The following AGBL4 variants were observed in gnomAD, a reference collection of about 807,000 sequenced individuals.
AGBL4 encodes AGBL carboxypeptidase 4, also known as cytosolic carboxypeptidase 6.
In AGBL4, 58 loss-of-function variants were observed where a neutral mutation model predicts 66.4. That is an observed-to-expected ratio of 0.87 (90% CI 0.71 to 1.09). The LOEUF is 1.09. Among genes scored for constraint, AGBL4 ranks in the 50% least tolerant of loss-of-function variants. AGBL4 has a pLI of 0.00. For synonymous variants in AGBL4, 234 were observed against 222.9 expected, an observed-to-expected ratio of 1.05 and a Z score of -0.44; for missense variants, 579 against 631.0, an observed-to-expected ratio of 0.92 and a Z score of 0.88.
chr1:49,805,027 A>T (rs1281794489), intron 2 of AGBL4, among the ~76,000 whole-genome samples: 1 of 152,222 alleles, frequency 6.6e-6, no homozygotes, highest in African/African-American at 2.4e-5. Flanking sequence ...TAGATGAGAT[A>T]ACCAAAGGGA....
At chr1:49,564,286 C>T (rs749204196) in intron 3 of AGBL4, among the ~76,000 whole-genome samples, 8 of 151,878 alleles carry the variant, frequency 5.3e-5, no homozygotes, top group Non-Finnish European at 1.2e-4. Context: ...TTTTGAAGGG[C>T]TTTTTGTGTC....
At chr1:49,288,438 A>T (rs1644467598) in intron 3 of AGBL4, among the ~76,000 whole-genome samples, 1 of 152,166 alleles carries the variant, frequency 6.6e-6, no homozygotes, top group South Asian at 2.1e-4. Flanking sequence ...CATTTGCTGA[A>T]TCTGGTGAAT....
intron 3 of AGBL4, among the ~76,000 whole-genome samples, chr1:49,523,100 T>C (rs959239874): frequency 2.6e-5 from 4 of 152,184 alleles, no homozygotes; most frequent in African/African-American, 9.6e-5. Flanking sequence ...TCTTGGGCTG[T>C]TTTCTCATCA....
chr1:49,501,076 G>C (rs566287684), intron 3 of AGBL4, among the ~76,000 whole-genome samples: 6 of 152,132 alleles, frequency 3.9e-5, no homozygotes, highest in Admixed American at 2.0e-4. Context: ...TCCTTGTAGA[G>C]ATCTTTCACC....
intron 1 of AGBL4, among the ~76,000 whole-genome samples, chr1:49,952,667 G>T (rs893944650): frequency 1.3e-5 from 2 of 151,886 alleles, no homozygotes; most frequent in Non-Finnish European, 2.9e-5. Context: ...AAACAGGATA[G>T]GCAAAACCCA....
At position 49,735,296 on chromosome 1, in the gene AGBL4, G is replaced by GGTGTGT. The variant is rs34172664; in HGVS notation, c.158-37865_158-37860dup. The stretch of plus-strand genomic sequence containing the variant: ...TAAAACAAAGAGGTAGAGGTGTGTG[G>GGTGTGT]GTGTGTGTGTGTGTGTGTGTGTGTG... On this transcript the variant is annotated intron_variant, in intron 2 of 13. Transcript: ENST00000371839. Among the ~76,000 whole-genome samples the GGTGTGT allele has an allele frequency of 6.1e-3, 778 of 127,378 alleles. 6 individuals carry two copies. Among genetic ancestry groups the GGTGTGT allele is most frequent in the African/African-American group, 0.017 (514 of 30,838 alleles). 83.6% of individuals were successfully genotyped at this position (127,378 alleles called of 152,430 possible).
At chr1:49,718,114 T>C (rs569243355) in intron 2 of AGBL4, among the ~76,000 whole-genome samples, 4 of 152,178 alleles carry the variant, frequency 2.6e-5, no homozygotes, top group Non-Finnish European at 5.9e-5. Context: ...AAATCTCATG[T>C]TGAAATGTGA....
intron 4 of AGBL4, among the ~76,000 whole-genome samples, chr1:49,055,421 G>C (rs1644291464): frequency 1.3e-5 from 2 of 151,980 alleles, no homozygotes; most frequent in Non-Finnish European, 2.9e-5. Flanking sequence ...TGTGCTCTAA[G>C]TTTATCAGGC....
chr1:49,171,282 T>C (rs1316971038), intron 4 of AGBL4, among the ~76,000 whole-genome samples: 1 of 152,212 alleles, frequency 6.6e-6, no homozygotes, highest in East Asian at 1.9e-4. Flanking sequence ...TTCAAAATCA[T>C]TATTCTGCTG....
intron 1 of AGBL4, among the ~76,000 whole-genome samples, chr1:49,985,483 A>G (rs1237583394): frequency 6.6e-6 from 1 of 152,168 alleles, no homozygotes; most frequent in Non-Finnish European, 1.5e-5. Flanking sequence ...GAGAAAAAAA[A>G]TCACAAGTAT....
At chr1:48,685,904 C>T (rs561153888) in intron 6 of AGBL4, among the ~76,000 whole-genome samples, 1 of 152,320 alleles carries the variant, frequency 6.6e-6, no homozygotes, top group South Asian at 2.1e-4. Flanking sequence ...TGTGGAGCAG[C>T]ATCTTAGAAT....
At chr1:49,483,487 T>C (rs775174626) in intron 3 of AGBL4, among the ~76,000 whole-genome samples, 1 of 151,774 alleles carries the variant, frequency 6.6e-6, no homozygotes, top group Non-Finnish European at 1.5e-5. Context: ...CCTAAATTCA[T>C]ATAGAATGAT....
At chr1:49,700,514 A>G (rs1250992843) in intron 2 of AGBL4, among the ~76,000 whole-genome samples, 2 of 152,096 alleles carry the variant, frequency 1.3e-5, no homozygotes, top group African/African-American at 2.4e-5. Flanking sequence ...AAAAATACCT[A>G]GTTTTAATTA....
At chr1:49,728,437 C>A (rs1399424002) in intron 2 of AGBL4, among the ~76,000 whole-genome samples, 1 of 152,216 alleles carries the variant, frequency 6.6e-6, no homozygotes, top group East Asian at 1.9e-4. Flanking sequence ...GCACCTCTGT[C>A]TTCAGAACAA....
chr1:49,336,913 G>A (rs1645449225), intron 3 of AGBL4, among the ~76,000 whole-genome samples: 1 of 152,102 alleles, frequency 6.6e-6, no homozygotes, highest in Non-Finnish European at 1.5e-5. Flanking sequence ...CTCATAAGAT[G>A]GTTTAGAGAT....
chr1:49,133,108 A>T (rs898938298), intron 4 of AGBL4, among the ~76,000 whole-genome samples: 3 of 152,226 alleles, frequency 2.0e-5, no homozygotes, highest in African/African-American at 7.2e-5. Flanking sequence ...TGAAGCTAGA[A>T]ACCATCATTC....
intron 3 of AGBL4, among the ~76,000 whole-genome samples, chr1:49,495,181 A>G (rs137858565): frequency 3.5e-4 from 53 of 152,170 alleles, no homozygotes; most frequent in African/African-American, 1.2e-3. Context: ...TGCACATGGT[A>G]CCTGGAATCA....
intron 4 of AGBL4, among the ~76,000 whole-genome samples, chr1:49,178,083 A>G (rs1432580480): frequency 6.6e-6 from 1 of 152,192 alleles, no homozygotes; most frequent in African/African-American, 2.4e-5. Context: ...CAGTGTATTT[A>G]GCAGGGTAGT....
At chr1:49,534,379 C>G (rs760819834) in intron 3 of AGBL4, among the ~76,000 whole-genome samples, 6 of 152,044 alleles carry the variant, frequency 3.9e-5, no homozygotes, top group Non-Finnish European at 7.4e-5. Context: ...ATACCTGTAA[C>G]CCTACCAATA....
Sources: gnomAD v4.1 joint callset for allele counts (sites outside exome capture counted in the v4.1 genomes callset) on GRCh38, gnomAD v4.1.1 for gene constraint, MANE v1.5 for transcripts, NCBI Gene and HGNC (gene_info 2026-07-23, HGNC 2026-07-21) for gene names.